QTGAL: variants seen among roughly 807,000 people sequenced by gnomAD.
QTGAL encodes queuosine-tRNA galactosyltransferase, also known as BGnT-like protein 1.
the QTGAL span, chr17:83,005,766 A>G: frequency 2.2e-6 from 2 of 895,780 alleles, no homozygotes; most frequent in South Asian, 3.2e-5. The surrounding 1 kb of genome is among the most constrained non-coding windows in gnomAD (Gnocchi z 5.6). Context: ...CTCAGGTGAC[A>G]TCCTGTCAGT....
chr17:83,045,724 C>A, the QTGAL span, among the ~76,000 whole-genome samples: 1 of 152,308 alleles, frequency 6.6e-6, no homozygotes, highest in East Asian at 1.9e-4. Context: ...GGAGCTCTTA[C>A]AATTCAACAA....
chr17:83,023,333 C>T, the QTGAL span, among the ~76,000 whole-genome samples: 1 of 150,950 alleles, frequency 6.6e-6, no homozygotes, highest in African/African-American at 2.4e-5. Flanking sequence ...CCTGCACCAG[C>T]GTGAACTCAC....
At chr17:82,982,707 C>G in the QTGAL span, among the ~76,000 whole-genome samples, 2 of 152,166 alleles carry the variant, frequency 1.3e-5, no homozygotes, top group African/African-American at 4.8e-5. Context: ...GCAGCCTGGA[C>G]AGACTAGGAC....
the QTGAL span, among the ~76,000 whole-genome samples, chr17:83,039,960 T>C: frequency 0.2 from 30,832 of 152,086 alleles, 3,284 homozygotes; most frequent in Non-Finnish European, 0.24. Context: ...GGCTCTCACA[T>C]GGGGACATTC....
the QTGAL span, among the ~76,000 whole-genome samples, chr17:82,964,034 G>GGC: frequency 7.2e-6 from 1 of 139,468 alleles, no homozygotes; most frequent in Admixed American, 7.4e-5. Context: ...AGGTCGGGGG[G>GGC]GTGGATTGCT....
chr17:82,964,875 GGGGGGGAC>G, the QTGAL span, among the ~76,000 whole-genome samples: 1 of 70,490 alleles, frequency 1.4e-5, no homozygotes, highest in East Asian at 5.3e-4. Flanking sequence ...GCACCCCCAC[GGGGGGGAC>G]GGTGACACGG....
the QTGAL span, among the ~76,000 whole-genome samples, chr17:83,011,796 A>G: frequency 6.6e-6 from 1 of 152,198 alleles, no homozygotes; most frequent in Admixed American, 6.5e-5. Context: ...TGAAAATGGA[A>G]ATTAAGCTTG....
the QTGAL span, among the ~76,000 whole-genome samples, chr17:82,979,750 C>A: frequency 1.3e-5 from 2 of 152,168 alleles, no homozygotes; most frequent in African/African-American, 4.8e-5. Flanking sequence ...TAAATATAGG[C>A]AAGCTGATTC....
chr17:83,015,961 C>T, the QTGAL span, among the ~76,000 whole-genome samples: 4 of 152,164 alleles, frequency 2.6e-5, no homozygotes, highest in African/African-American at 9.7e-5. The surrounding 1 kb of genome is among the most constrained non-coding windows in gnomAD (Gnocchi z 4.4). Flanking sequence ...TAAAGAAAAG[C>T]AACAACATTA....
the QTGAL span, chr17:83,051,634 G>A: frequency 1.7e-6 from 2 of 1,158,454 alleles, no homozygotes; most frequent in African/African-American, 1.6e-5. Context: ...CCGAGAGGCG[G>A]TGCGGGGCTG....
chr17:82,970,637 TCCGCACCCGGTGTGGCCGC>T, the QTGAL span, among the ~76,000 whole-genome samples: 12 of 107,782 alleles, frequency 1.1e-4, 1 homozygote, highest in South Asian at 2.5e-4. Context: ...GGCCGCGACC[TCCGCACCCGGTGTGGCCGC>T]GACCTCCGCA....
At chr17:83,051,026 G>A in the QTGAL span, among the ~76,000 whole-genome samples, 1 of 150,490 alleles carries the variant, frequency 6.6e-6, no homozygotes, top group Non-Finnish European at 1.5e-5. Flanking sequence ...GGACAGGTGT[G>A]CAGGCAGGTG....
chr17:83,006,883 A>G, the QTGAL span: 7 of 919,742 alleles, frequency 7.6e-6, no homozygotes, highest in African/African-American at 1.8e-5. This position sits in a 1 kb window ranked among gnomAD's most constrained non-coding sequence, Gnocchi z 5.8. Flanking sequence ...GAACAGTTAC[A>G]TGTTTAGTTT....
At chr17:83,037,687 G>A in the QTGAL span, among the ~76,000 whole-genome samples, 24,436 of 152,214 alleles carry the variant, frequency 0.16, 2,260 homozygotes, top group Non-Finnish European at 0.21. The surrounding 1 kb of genome is among the most constrained non-coding windows in gnomAD (Gnocchi z 5.2). Flanking sequence ...GGCCTTCCAC[G>A]AGGCACACTG....
chr17:82,968,648 T>G, the QTGAL span, among the ~76,000 whole-genome samples: 1 of 152,218 alleles, frequency 6.6e-6, no homozygotes, highest in Non-Finnish European at 1.5e-5. Flanking sequence ...AGACGTCGCA[T>G]CTGTGGACGC....
the QTGAL span, among the ~76,000 whole-genome samples, chr17:82,973,850 G>A: frequency 2.6e-5 from 4 of 152,108 alleles, no homozygotes; most frequent in African/African-American, 9.7e-5. Flanking sequence ...CCACAATGGC[G>A]CTGGGGCTGC....
the QTGAL span, among the ~76,000 whole-genome samples, chr17:83,010,380 C>T: frequency 6.6e-6 from 1 of 152,234 alleles, no homozygotes; most frequent in Non-Finnish European, 1.5e-5. Flanking sequence ...TCACTCCCTG[C>T]CCCCGGAGCG....
the QTGAL span, chr17:83,035,023 A>T: frequency 1.3e-6 from 2 of 1,583,242 alleles, no homozygotes; most frequent in Non-Finnish European, 1.7e-6. Flanking sequence ...TAAACAAAAG[A>T]AAGTTACTTA....
the QTGAL span, chr17:83,034,931 A>G: frequency 1.0e-6 from 1 of 959,612 alleles, no homozygotes; most frequent in East Asian, 2.6e-5. Context: ...TCTAATAACC[A>G]TTAGAAAAAT....
Sources: gnomAD v4.1 joint callset for allele counts (sites outside exome capture counted in the v4.1 genomes callset) on GRCh38, gnomAD v4.1.1 for gene constraint, Gnocchi (gnomAD v3.1) non-coding constraint, MANE v1.5 for transcripts, NCBI Gene and HGNC (gene_info 2026-07-23, HGNC 2026-07-21) for gene names.